The following CSMD1 variants were observed in gnomAD, a reference collection of about 807,000 sequenced individuals.
The protein encoded by CSMD1 is CUB and Sushi multiple domains 1.
CSMD1 carries 213 observed loss-of-function variants against 417.5 expected under a neutral mutation model. That is an observed-to-expected ratio of 0.51 (90% CI 0.46 to 0.57). The LOEUF is 0.57. Ranked by LOEUF, CSMD1 falls within the 20% of genes least tolerant of loss-of-function variation. The pLI is 0.00. For synonymous variants in CSMD1, 2,862 were observed against 1,736.8 expected (o/e 1.65, Z -16.11); for missense variants, 6,923 against 4,529.7 (o/e 1.53, Z -15.17).
chr8:3,940,527 G>GTGTGTA (rs1220688047), intron 5 of CSMD1, among the ~76,000 whole-genome samples: 1 of 149,402 alleles, frequency 6.7e-6, no homozygotes, highest in Non-Finnish European at 1.5e-5. Context: ...GTGTGTGTGT[G>GTGTGTA]TGTGTGTGTA....
intron 5 of CSMD1, among the ~76,000 whole-genome samples, chr8:3,876,146 G>T (rs1006967733): frequency 2.0e-5 from 3 of 152,018 alleles, no homozygotes; most frequent in Admixed American, 6.6e-5. Context: ...TTAACCTCTG[G>T]AAACCAGTGA....
chr8:4,151,957 G>A (rs532979769), intron 3 of CSMD1, among the ~76,000 whole-genome samples: 4 of 152,164 alleles, frequency 2.6e-5, no homozygotes, highest in Non-Finnish European at 5.9e-5. Context: ...AATGGGAGGT[G>A]TAAGCAGTTA....
chr8:4,721,202 C>T (rs1214070637), intron 1 of CSMD1, among the ~76,000 whole-genome samples: 3 of 152,128 alleles, frequency 2.0e-5, no homozygotes, highest in Non-Finnish European at 4.4e-5. Flanking sequence ...TGTCCCTATC[C>T]ATGTAATTTA....
chr8:4,293,429 G>C (rs941973819), intron 3 of CSMD1, among the ~76,000 whole-genome samples: 1 of 152,054 alleles, frequency 6.6e-6, no homozygotes, highest in Non-Finnish European at 1.5e-5. Context: ...GCTAAAAAGT[G>C]TTTTAAAAAA....
intron 3 of CSMD1, among the ~76,000 whole-genome samples, chr8:4,159,023 C>T (rs893368213): frequency 6.6e-6 from 1 of 152,164 alleles, no homozygotes; most frequent in Non-Finnish European, 1.5e-5. Flanking sequence ...TCAAGCGATT[C>T]TCCTGCCTCA....
At chr8:4,142,106 G>A (rs1803827984) in intron 3 of CSMD1, among the ~76,000 whole-genome samples, 1 of 150,910 alleles carries the variant, frequency 6.6e-6, no homozygotes, top group Admixed American at 6.6e-5. Context: ...AATGTTTGAA[G>A]CAACATTTGT....
intron 1 of CSMD1, among the ~76,000 whole-genome samples, chr8:4,922,266 T>A (rs1404682380): frequency 4.6e-5 from 7 of 152,178 alleles, no homozygotes; most frequent in Non-Finnish European, 1.5e-5. Flanking sequence ...GTACACTGAA[T>A]GTGTTGTTTA....
chr8:3,486,463 G>C (rs567638165), intron 11 of CSMD1, among the ~76,000 whole-genome samples: 5 of 152,148 alleles, frequency 3.3e-5, no homozygotes, highest in Non-Finnish European at 5.9e-5. Context: ...AAATGCTTTT[G>C]ACTGATGAAT....
intron 1 of CSMD1, among the ~76,000 whole-genome samples, chr8:4,782,678 C>A (rs903802695): frequency 6.6e-6 from 1 of 152,222 alleles, no homozygotes; most frequent in East Asian, 1.9e-4. Flanking sequence ...GTGACTCATA[C>A]TTCTGCAGAT....
At chr8:4,540,787 C>A (rs1395805992) in intron 2 of CSMD1, among the ~76,000 whole-genome samples, 1 of 152,050 alleles carries the variant, frequency 6.6e-6, no homozygotes, top group Non-Finnish European at 1.5e-5. Flanking sequence ...CAGTGAGGTA[C>A]CTTCTGTTAT....
At chr8:4,110,584 G>A (rs191402040) in intron 3 of CSMD1, among the ~76,000 whole-genome samples, 1 of 152,044 alleles carries the variant, frequency 6.6e-6, no homozygotes, top group African/African-American at 2.4e-5. Flanking sequence ...TTTTTAAACA[G>A]ATTTCTGAAA....
chr8:3,777,748 C>T (rs1236939895), intron 5 of CSMD1, among the ~76,000 whole-genome samples: 2 of 151,856 alleles, frequency 1.3e-5, no homozygotes, highest in African/African-American at 2.4e-5. Flanking sequence ...CCTGCAGCCT[C>T]CTTGAAGTGC....
intron 3 of CSMD1, among the ~76,000 whole-genome samples, chr8:4,054,114 A>C (rs1406069586): frequency 6.6e-6 from 1 of 152,130 alleles, no homozygotes; most frequent in African/African-American, 2.4e-5. Context: ...ATGGTCTCTA[A>C]GCAGCCATTC....
chr8:4,745,092 C>T (rs947472571), intron 1 of CSMD1, among the ~76,000 whole-genome samples: 5 of 152,016 alleles, frequency 3.3e-5, no homozygotes, highest in East Asian at 1.9e-4. Context: ...TCGAGAAATG[C>T]GTAAGAATGG....
intron 3 of CSMD1, among the ~76,000 whole-genome samples, chr8:4,075,293 G>A (rs776251615): frequency 6.6e-6 from 1 of 152,048 alleles, no homozygotes; most frequent in African/African-American, 2.4e-5. Flanking sequence ...GTTGATATAT[G>A]TTTATGTAAA....
intron 2 of CSMD1, among the ~76,000 whole-genome samples, chr8:4,505,397 T>A (rs1802466493): frequency 6.6e-6 from 1 of 152,100 alleles, no homozygotes; most frequent in South Asian, 2.1e-4. Context: ...AGATGATAAA[T>A]AAAGATATTA....
At chr8:3,942,864 T>G (rs1229617920) in intron 5 of CSMD1, among the ~76,000 whole-genome samples, 1 of 152,178 alleles carries the variant, frequency 6.6e-6, no homozygotes, top group Non-Finnish European at 1.5e-5. Context: ...CAAATTGATG[T>G]GATAATGTCA....
chr8:4,164,265 A>C (rs980419833), intron 3 of CSMD1, among the ~76,000 whole-genome samples: 4 of 152,318 alleles, frequency 2.6e-5, no homozygotes, highest in Non-Finnish European at 5.9e-5. Context: ...GATGTTAAAA[A>C]AGATTAATTT....
intron 1 of CSMD1, among the ~76,000 whole-genome samples, chr8:4,766,524 G>C (rs1277213902): frequency 6.6e-6 from 1 of 152,220 alleles, no homozygotes; most frequent in Non-Finnish European, 1.5e-5. Flanking sequence ...AAAATTCACT[G>C]CATTGCATTG....
Sources: gnomAD v4.1 joint callset for allele counts (sites outside exome capture counted in the v4.1 genomes callset) on GRCh38, gnomAD v4.1.1 for gene constraint, MANE v1.5 for transcripts, NCBI Gene and HGNC (gene_info 2026-07-23, HGNC 2026-07-21) for gene names.